FARS2: variants seen among roughly 807,000 people sequenced by gnomAD.
FARS2 encodes phenylalanine--tRNA ligase, mitochondrial.
Under a neutral mutation model 46.4 loss-of-function variants are expected in FARS2, and 40 were observed. The observed-to-expected ratio is 0.86, with a 90% CI of 0.67 to 1.12. FARS2 has a LOEUF of 1.12. FARS2 is among the 50% of genes most tolerant of loss of function. The pLI, the probability that FARS2 is intolerant of heterozygous loss-of-function variation, is 0.00. For missense variants in FARS2, 513 were observed against 567.9 expected (o/e 0.90, Z 0.98); for synonymous variants, 234 against 214.9 (o/e 1.09, Z -0.78).
chr6:5,580,784 A>G (rs1773286047), intron 5 of FARS2, among the ~76,000 whole-genome samples: 1 of 152,206 alleles, frequency 6.6e-6, no homozygotes, highest in Non-Finnish European at 1.5e-5. Context: ...CACCCTTCCC[A>G]GTCCAGGCAG....
At chr6:5,270,361 GGAT>G in intron 1 of FARS2, among the ~76,000 whole-genome samples, 1 of 87,634 alleles carries the variant, frequency 1.1e-5, no homozygotes, top group African/African-American at 3.4e-5. Flanking sequence ...GAGCTGGGCT[GGAT>G]GATAATTACA....
At chr6:5,546,506 T>A (rs1223115000) in intron 5 of FARS2, among the ~76,000 whole-genome samples, 1 of 151,764 alleles carries the variant, frequency 6.6e-6, no homozygotes, top group Non-Finnish European at 1.5e-5. Flanking sequence ...CGCCTTGGCC[T>A]CCCGAAGTGC....
chr6:5,569,231 G>A (rs1250127892), intron 5 of FARS2, among the ~76,000 whole-genome samples: 1 of 123,758 alleles, frequency 8.1e-6, no homozygotes, highest in Non-Finnish European at 1.7e-5. Flanking sequence ...GTGAGTACAG[G>A]AGTATAATTT....
At chr6:5,766,275 G>C (rs1029168830) in intron 6 of FARS2, among the ~76,000 whole-genome samples, 2 of 152,224 alleles carry the variant, frequency 1.3e-5, no homozygotes, top group African/African-American at 2.4e-5. Flanking sequence ...TAGCAACCTC[G>C]TGGTGCCCAC....
chr6:5,473,151 G>A (rs945645812), intron 4 of FARS2, among the ~76,000 whole-genome samples: 1 of 152,094 alleles, frequency 6.6e-6, no homozygotes, highest in Non-Finnish European at 1.5e-5. Flanking sequence ...ATAATGCCAA[G>A]GAGGTTGTGA....
intron 1 of FARS2, among the ~76,000 whole-genome samples, chr6:5,266,670 T>C (rs994613833): frequency 6.6e-6 from 1 of 152,226 alleles, no homozygotes; most frequent in African/African-American, 2.4e-5. Flanking sequence ...TGGAAGGTTA[T>C]TGATTTTTCT....
intron 4 of FARS2, among the ~76,000 whole-genome samples, chr6:5,489,895 A>C (rs191877141): frequency 6.6e-6 from 1 of 152,358 alleles, no homozygotes; most frequent in African/African-American, 2.4e-5. Context: ...TGCACATAAT[A>C]ATATTTTTTA....
intron 1 of FARS2, among the ~76,000 whole-genome samples, chr6:5,342,250 A>G (rs369341358): frequency 6.6e-6 from 1 of 152,232 alleles, no homozygotes; most frequent in Non-Finnish European, 1.5e-5. Context: ...CTGATGAACA[A>G]ACATTCTAAT....
At chr6:5,556,676 TAAGA>T (rs60141468) in intron 5 of FARS2, among the ~76,000 whole-genome samples, 78,362 of 150,610 alleles carry the variant, frequency 0.52, 21,836 homozygotes, top group Non-Finnish European at 0.64. Context: ...ATTAAGTTAC[TAAGA>T]AAGAAAGAAA....
At chr6:5,513,731 C>G (rs549023363) in intron 4 of FARS2, among the ~76,000 whole-genome samples, 38 of 152,160 alleles carry the variant, frequency 2.5e-4, no homozygotes, top group Non-Finnish European at 4.6e-4. Context: ...CGTTTAGTTT[C>G]CTGATCTCAT....
intron 1 of FARS2, among the ~76,000 whole-genome samples, chr6:5,341,336 C>G (rs571488241): frequency 1.3e-4 from 18 of 141,834 alleles, no homozygotes; most frequent in Non-Finnish European, 1.7e-4. Context: ...ACAGCTCCCC[C>G]CTCCCTCATC....
chr6:5,618,680 G>A (rs1775602878), intron 6 of FARS2, among the ~76,000 whole-genome samples: 1 of 152,210 alleles, frequency 6.6e-6, no homozygotes, highest in Admixed American at 6.5e-5. Flanking sequence ...GAAGAAAATG[G>A]CGTTTTGTTC....
chr6:5,270,025 T>G (rs1343089466), intron 1 of FARS2, among the ~76,000 whole-genome samples: 1 of 152,260 alleles, frequency 6.6e-6, no homozygotes, highest in Non-Finnish European at 1.5e-5. Flanking sequence ...GCCTGGCTTC[T>G]GTGAAATGGA....
At chr6:5,534,015 A>T (rs908080107) in intron 4 of FARS2, among the ~76,000 whole-genome samples, 2 of 152,218 alleles carry the variant, frequency 1.3e-5, no homozygotes, top group African/African-American at 4.8e-5. Context: ...GAGCCAAATC[A>T]TACACTGTTC....
chr6:5,614,734 T>C (rs1775380254), intron 6 of FARS2, among the ~76,000 whole-genome samples: 2 of 152,212 alleles, frequency 1.3e-5, no homozygotes, highest in African/African-American at 4.8e-5. Flanking sequence ...ATTCTCTAGA[T>C]AAAGATGTTC....
chr6:5,509,777 T>C (rs570766952), intron 4 of FARS2, among the ~76,000 whole-genome samples: 3 of 152,322 alleles, frequency 2.0e-5, no homozygotes, highest in East Asian at 1.9e-4. Flanking sequence ...TGGAGTGTGC[T>C]GGTTTTTAAA....
At chr6:5,704,564 A>G (rs1202616136) in intron 6 of FARS2, among the ~76,000 whole-genome samples, 2 of 152,230 alleles carry the variant, frequency 1.3e-5, no homozygotes, top group South Asian at 2.1e-4. Context: ...ACGTGTCAAT[A>G]TATACATATG....
intron 5 of FARS2, among the ~76,000 whole-genome samples, chr6:5,599,581 A>T (rs1561742266): frequency 6.6e-6 from 1 of 152,246 alleles, no homozygotes; most frequent in East Asian, 1.9e-4. Context: ...TTTTGTTTTC[A>T]TGAAAACGTT....
intron 6 of FARS2, among the ~76,000 whole-genome samples, chr6:5,679,602 C>T (rs1582742988): frequency 6.6e-6 from 1 of 152,284 alleles, no homozygotes; most frequent in East Asian, 1.9e-4. Context: ...AGTACAATGC[C>T]TTTCAAAAGA....
Sources: gnomAD v4.1 joint callset for allele counts (sites outside exome capture counted in the v4.1 genomes callset) on GRCh38, gnomAD v4.1.1 for gene constraint, MANE v1.5 for transcripts, NCBI Gene and HGNC (gene_info 2026-07-23, HGNC 2026-07-21) for gene names.